Variants in MNAT1 observed in about 807,000 individuals in gnomAD.
The protein encoded by MNAT1 is MNAT1 component of CDK activating kinase.
In MNAT1, 43 loss-of-function variants were observed where a neutral mutation model predicts 42.0. That is an observed-to-expected ratio of 1.02 (90% CI 0.80 to 1.32). MNAT1 has a LOEUF of 1.32. MNAT1 is among the 40% of genes most tolerant of loss of function. MNAT1 has a pLI of 0.00. For missense variants in MNAT1, 306 were observed against 350.4 expected, an observed-to-expected ratio of 0.87 and a Z score of 1.01; for synonymous variants, 118 against 120.0, an observed-to-expected ratio of 0.98 and a Z score of 0.11.
intron 1 of MNAT1, among the ~76,000 whole-genome samples, chr14:60,739,288 T>G (rs1421642867): frequency 6.6e-6 from 1 of 152,144 alleles, no homozygotes. Flanking sequence ...TGTTTTGTAG[T>G]GTTATAATGT....
intron 6 of MNAT1, among the ~76,000 whole-genome samples, chr14:60,841,180 T>C (rs2033541638): frequency 6.6e-6 from 1 of 151,650 alleles, no homozygotes; most frequent in Admixed American, 6.6e-5. Context: ...TCCCTTTCCC[T>C]CCCTTTGTAT....
intron 1 of MNAT1, among the ~76,000 whole-genome samples, chr14:60,749,130 A>G (rs1291570940): frequency 6.6e-6 from 1 of 152,190 alleles, no homozygotes; most frequent in Non-Finnish European, 1.5e-5. Context: ...GACTATATAT[A>G]GTTTTGAATT....
Position 60,734,803 on chromosome 14 carries a change from G to C in MNAT1, c.-60G>C, listed in dbSNP as rs540011235. 6.6e-5 allele frequency: 101 copies of C among 1,522,608 alleles called. 1 individual carries two copies. In the East Asian group the frequency reaches 2.3e-3, roughly 34 times the overall value. The allele number at this position is 1,522,608 out of a possible 1,614,324, so 94.3% of individuals were successfully genotyped here. A position where few individuals can be genotyped will look rare whatever the true frequency, so the allele number is the denominator to read the frequency against. ...AACCTGCTTGGTCGCGTCTGAGGGG[G>C]CTTGTAGGTGGCTCTGGCTGAAACA... On this transcript the variant is annotated 5_prime_UTR_variant, in exon 1 of 8. Coordinates refer to ENST00000261245, the MANE Select transcript of MNAT1 (RefSeq NM_002431.4). This position sits in a 1 kb window ranked among gnomAD's most constrained non-coding sequence, Gnocchi z 4.3.
chr14:60,932,308 A>G (rs1035337718), intron 7 of MNAT1, among the ~76,000 whole-genome samples: 1 of 152,070 alleles, frequency 6.6e-6, no homozygotes, highest in Non-Finnish European at 1.5e-5. Context: ...TTGTAAAACT[A>G]CAGCAGCCTT....
chr14:60,872,819 T>C (rs1181614485), intron 6 of MNAT1, among the ~76,000 whole-genome samples: 2 of 149,720 alleles, frequency 1.3e-5, no homozygotes, highest in East Asian at 3.9e-4. Context: ...TATTTTGGTA[T>C]TACATCACAC....
intron 6 of MNAT1, among the ~76,000 whole-genome samples, chr14:60,872,095 A>T (rs1183845053): frequency 1.3e-5 from 2 of 152,138 alleles, no homozygotes; most frequent in African/African-American, 4.8e-5. Context: ...TTAAGGAAAG[A>T]TGTTTATTTG....
intron 1 of MNAT1, among the ~76,000 whole-genome samples, chr14:60,776,354 A>C (rs1444302490): frequency 2.6e-5 from 4 of 152,256 alleles, no homozygotes; most frequent in Middle Eastern, 3.4e-3. Flanking sequence ...AGATATATAT[A>C]TATTGATAAT....
At chr14:60,794,481 A>G in intron 1 of MNAT1, among the ~76,000 whole-genome samples, 1 of 151,514 alleles carries the variant, frequency 6.6e-6, no homozygotes. Context: ...CCTGAGCAAC[A>G]TGGGGAGTCC....
intron 7 of MNAT1, among the ~76,000 whole-genome samples, chr14:60,897,800 C>G (rs571958351): frequency 6.6e-6 from 1 of 152,230 alleles, no homozygotes; most frequent in South Asian, 2.1e-4. Context: ...TTGTTGCTAA[C>G]TGTAGTCACC....
At chr14:60,781,776 T>C (rs1451048059) in intron 1 of MNAT1, among the ~76,000 whole-genome samples, 2 of 152,146 alleles carry the variant, frequency 1.3e-5, no homozygotes, top group Admixed American at 1.3e-4. Flanking sequence ...TCTTTTTGTG[T>C]ATAGGGTGAA....
chr14:60,954,388 C>G (rs555181212), intron 7 of MNAT1, among the ~76,000 whole-genome samples: 6 of 152,224 alleles, frequency 3.9e-5, no homozygotes, highest in African/African-American at 1.4e-4. Context: ...ACTTTTGTCT[C>G]CAATGTCTTT....
intron 1 of MNAT1, among the ~76,000 whole-genome samples, chr14:60,777,080 G>C (rs1469277907): frequency 6.6e-6 from 1 of 152,056 alleles, no homozygotes; most frequent in African/African-American, 2.4e-5. Context: ...GAACTCCTGG[G>C]CTCAAGCAAT....
chr14:60,866,092 A>G (rs560132886), intron 6 of MNAT1, among the ~76,000 whole-genome samples: 1 of 152,262 alleles, frequency 6.6e-6, no homozygotes, highest in Admixed American at 6.5e-5. Context: ...GTTGAAAACA[A>G]CAAAAGTAGC....
At chr14:60,892,619 T>C (rs2034870299) in intron 7 of MNAT1, among the ~76,000 whole-genome samples, 1 of 152,076 alleles carries the variant, frequency 6.6e-6, no homozygotes, top group Non-Finnish European at 1.5e-5. Flanking sequence ...ATAAGGATGG[T>C]CTTCCATCAT....
At chr14:60,784,172 C>G (rs2031562269) in intron 1 of MNAT1, among the ~76,000 whole-genome samples, 1 of 81,558 alleles carries the variant, frequency 1.2e-5, no homozygotes, top group African/African-American at 4.8e-5. Context: ...GCCACCATGC[C>G]TGGCTAATTT....
intron 1 of MNAT1, among the ~76,000 whole-genome samples, chr14:60,739,687 TTC>T (rs1423081484): frequency 6.6e-6 from 1 of 152,236 alleles, no homozygotes; most frequent in Non-Finnish European, 1.5e-5. Flanking sequence ...GGATTTCATG[TTC>T]TTTTTTTAAT....
chr14:60,782,860 A>G (rs540956677), intron 1 of MNAT1, among the ~76,000 whole-genome samples: 15 of 152,326 alleles, frequency 9.8e-5, no homozygotes, highest in Non-Finnish European at 1.9e-4. Flanking sequence ...ATAATTGCTC[A>G]GGAATGAATT....
rs560327886 is a variant in MNAT1, at chr14:60,961,213, C to T, written c.810-7016C>T. 2.9e-4 allele frequency among the ~76,000 whole-genome samples: 44 copies of T among 152,322 alleles called. No individual in the cohort carries two copies. In the South Asian group the frequency reaches 6.8e-3, roughly 24 times the overall value. On this transcript the variant is annotated intron_variant, in intron 7 of 7. Transcript: ENST00000261245. ...CTGACCTCAGATGATCCGCCCACCT[C>T]GGCCTCCCAAAGTGCTGGGATTACA...
chr14:60,951,302 A>G (rs1252985359), intron 7 of MNAT1, among the ~76,000 whole-genome samples: 1 of 32,080 alleles, frequency 3.1e-5, no homozygotes, highest in Non-Finnish European at 6.8e-5. Flanking sequence ...TTTTGTTGCT[A>G]CTTTGTCTTA....
Sources: allele counts gnomAD v4.1 joint callset (sites outside exome capture counted in the v4.1 genomes callset), GRCh38; gene constraint gnomAD v4.1.1; non-coding constraint Gnocchi (gnomAD v3.1); transcripts MANE v1.5; gene names NCBI Gene and HGNC (gene_info 2026-07-23, HGNC 2026-07-21).